The following ERN1 variants were observed in gnomAD, a reference collection of about 807,000 sequenced individuals.
ERN1 encodes serine/threonine-protein kinase/endoribonuclease IRE1.
Under a neutral mutation model 113.1 loss-of-function variants are expected in ERN1, and 39 were observed. The ratio of observed to expected loss-of-function variants is 0.34; its 90% confidence interval spans 0.27 to 0.45. ERN1 has a LOEUF of 0.45. Among genes scored for constraint, ERN1 ranks in the 20% least tolerant of loss-of-function variants. The pLI is 1.00. For synonymous variants in ERN1, 507 were observed against 515.9 expected (o/e 0.98, Z 0.23); for missense variants, 976 against 1,274.8 (o/e 0.77, Z 3.57).
chr17:64,081,294 C>T (rs552808699), intron 2 of ERN1, among the ~76,000 whole-genome samples: 2 of 152,340 alleles, frequency 1.3e-5, no homozygotes, highest in African/African-American at 2.4e-5. Flanking sequence ...GGACACACCT[C>T]TTTGGAGCGG....
At chr17:64,076,319 G>C (rs989731552) in intron 4 of ERN1, among the ~76,000 whole-genome samples, 1 of 152,222 alleles carries the variant, frequency 6.6e-6, no homozygotes, top group Non-Finnish European at 1.5e-5. Context: ...TTAATAAGCA[G>C]AGCTTTGCAT....
intron 12 of ERN1, among the ~76,000 whole-genome samples, chr17:64,056,988 C>G (rs1472127895): frequency 6.6e-6 from 1 of 152,142 alleles, no homozygotes; most frequent in African/African-American, 2.4e-5. Context: ...GCTGAAGGAC[C>G]ATGCCCCTCA....
chr17:64,072,162 A>G, intron 5 of ERN1, 59 bp from the exon 6 acceptor site: 2 of 1,589,322 alleles, frequency 1.3e-6, no homozygotes, highest in Non-Finnish European at 8.6e-7. Context: ...TATCGCTGCC[A>G]AACTAGCAGC....
In ERN1 at chr17:64,049,770, C is replaced by A. The variant is rs1273783415; in HGVS notation, c.2254-568G>T. Among the ~76,000 whole-genome samples the A allele has an allele frequency of 6.6e-6, 1 of 152,176 alleles. No homozygotes were observed. Among genetic ancestry groups the A allele is most frequent in the Non-Finnish European group, 1.5e-5 (1 of 68,032 alleles). ...ATGTTTGATGTTAATCCGAGAAAGC[C>A]TCTCACTTATCCCATGAAACCATTC... On this transcript the variant is annotated intron_variant, in intron 17 of 21. Coordinates refer to ENST00000433197, the MANE Select transcript of ERN1 (RefSeq NM_001433.5). This position sits in a 1 kb window ranked among gnomAD's most constrained non-coding sequence, Gnocchi z 4.7.
rs1912268348 is a variant in ERN1 at position 64,039,209 on chromosome 17, A to C, written c.*4779T>G. The C allele has an allele frequency of 6.6e-6, 1 of 152,206 alleles. No individual in the cohort carries two copies. The highest frequency in any genetic ancestry group is 1.5e-5 in the Non-Finnish European group (1 of 68,034). The allele number at this position is 152,206 out of a possible 1,614,324, so 9.4% of individuals were successfully genotyped here. On this transcript the variant is annotated 3_prime_UTR_variant, in exon 22 of 22. Transcript: ENST00000433197. Reference sequence around the variant, plus strand: ...AGATGCCGCCATCAGCAGAATTATAAAACTGTACAGGAGGCACAAAAATAG... The same window carrying C: ...AGATGCCGCCATCAGCAGAATTATACAACTGTACAGGAGGCACAAAAATAG...
At chr17:64,089,477 T>C (rs148234141) in intron 2 of ERN1, among the ~76,000 whole-genome samples, 4 of 152,268 alleles carry the variant, frequency 2.6e-5, no homozygotes, top group African/African-American at 9.6e-5. Context: ...TTTCAGATTT[T>C]CAGATTTGAG....
intron 2 of ERN1, among the ~76,000 whole-genome samples, chr17:64,081,353 T>C (rs1393821377): frequency 6.6e-6 from 1 of 152,226 alleles, no homozygotes. Context: ...CCCCATTGCA[T>C]TTTTATAAAA....
rs750330083 is a variant in ERN1 at position 64,057,982 on chromosome 17, C to T, written c.1218G>A (p.Leu406=). The T allele has an allele frequency of 6.4e-7, 1 of 1,570,926 alleles. No homozygotes were observed. Among genetic ancestry groups the T allele is most frequent in the Non-Finnish European group, 8.6e-7 (1 of 1,158,380 alleles). Residue 406 remains leucine, a synonymous_variant, in exon 12 of 22, where the codon CTG becomes CTA. Coordinates refer to ENST00000433197, the MANE Select transcript of ERN1 (RefSeq NM_001433.5). ...EKKSFEEVIN[L]VDQTSENAPT... ...GTGCGTTTTCTGAAGTCTGGTCAAC[C>T]AGGTTGATAACCTTGCATGGGAGAG...
chr17:64,063,281 T>A lies in ERN1; in HGVS notation c.1087+705A>T, dbSNP rs1016563109. 6.6e-5 allele frequency among the ~76,000 whole-genome samples: 10 copies of A among 152,242 alleles called. No homozygotes were observed. The highest frequency in any genetic ancestry group is 1.5e-5 in the Non-Finnish European group (1 of 68,040). ...TCAAGAAAACTCCCTCCTGCTCTAA[T>A]GACTTGGCACACTTGCCAGGAACAC... On this transcript the variant is annotated intron_variant, in intron 10 of 21. Coordinates refer to ENST00000433197, the MANE Select transcript of ERN1 (RefSeq NM_001433.5). This position sits in a 1 kb window ranked among gnomAD's most constrained non-coding sequence, Gnocchi z 5.1.
At position 64,049,224 on chromosome 17, in the gene ERN1, G is replaced by A. The variant is rs1912608010; in HGVS notation, c.2254-22C>T. ...AGGTCTGAAAAGAGACATGAGGCGT[G>A]AGAGGTCTGGGAGCAGAGTTTTCAT... On this transcript the variant is annotated intron_variant, in intron 17 of 21. Transcript: ENST00000433197. This position sits in a 1 kb window ranked among gnomAD's most constrained non-coding sequence, Gnocchi z 4.7. 3.2e-6 allele frequency: 5 copies of A among 1,556,384 alleles called. No individual in the cohort carries two copies. The highest frequency in any genetic ancestry group is 4.4e-6 in the Non-Finnish European group (5 of 1,140,456).
Position 64,130,024 on chromosome 17 carries a change from C to T in ERN1, c.6G>A (p.Pro2=), listed in dbSNP as rs946654400. 19 of 1,430,282 alleles carry T rather than the reference C, an allele frequency of 1.3e-5. No homozygotes were observed. The highest frequency in any genetic ancestry group is 1.7e-5 in the Non-Finnish European group (19 of 1,098,512). The allele number at this position is 1,430,282 out of a possible 1,614,324, so 88.6% of individuals were successfully genotyped here. A position where few individuals can be genotyped will look rare whatever the true frequency, so the allele number is the denominator to read the frequency against. Reference sequence around the variant, plus strand: ...TCAGCAGCAGCAGCAGCCGCCGGGCCGGCATGGCGAGGACTCGGCCCTGGC... The same window carrying T: ...TCAGCAGCAGCAGCAGCCGCCGGGCTGGCATGGCGAGGACTCGGCCCTGGC... M[P]ARRLLLLLTL... Residue 2 remains proline (P), a synonymous_variant, in exon 1 of 22, where the codon CCG becomes CCA. Coordinates refer to ENST00000433197, the MANE Select transcript of ERN1 (RefSeq NM_001433.5). This position sits in a 1 kb window ranked among gnomAD's most constrained non-coding sequence, Gnocchi z 4.0.
rs755345282 is a variant in ERN1 at position 64,063,970 on chromosome 17, G to T, written c.1087+16C>A. The T allele has an allele frequency of 3.1e-6, 5 of 1,612,770 alleles. No individual in the cohort carries two copies. The highest frequency in any genetic ancestry group is 1.1e-5 in the South Asian group (1 of 90,946). On this transcript the variant is annotated intron_variant, in intron 10 of 21. Coordinates refer to ENST00000433197, the MANE Select transcript of ERN1 (RefSeq NM_001433.5). This position sits in a 1 kb window ranked among gnomAD's most constrained non-coding sequence, Gnocchi z 5.1. ...CACGCTGTCACCTCAGGCTACTGTG[G>T]GAGACCTGCTCTTACCTATCAGAAG...
intron 12 of ERN1, among the ~76,000 whole-genome samples, 180 bp from the exon 13 acceptor site, chr17:64,056,128 T>A (rs2021746): frequency 0.12 from 18,054 of 152,168 alleles, 1,237 homozygotes; most frequent in East Asian, 0.16. Flanking sequence ...TGGACGTCTT[T>A]CCACCGACTA....
chr17:64,053,432 C>G, intron 15 of ERN1, 61 bp from the exon 16 acceptor site: 1 of 1,194,852 alleles, frequency 8.4e-7, no homozygotes, highest in Non-Finnish European at 1.1e-6. Flanking sequence ...CCCCTCGGCT[C>G]ACTTTCTTTG....
chr17:64,111,414 G>A (rs1914668711), intron 1 of ERN1, among the ~76,000 whole-genome samples: 1 of 151,370 alleles, frequency 6.6e-6, no homozygotes. Flanking sequence ...GGAGTGCAAT[G>A]GCGCAATCTC....
chr17:64,091,691 C>T (rs563946531), intron 2 of ERN1, among the ~76,000 whole-genome samples: 1 of 152,276 alleles, frequency 6.6e-6, no homozygotes, highest in East Asian at 1.9e-4. Context: ...CCAGAGGTCT[C>T]CAAGGCCTGG....
At chr17:64,081,810 G>A (rs147406364) in intron 2 of ERN1, among the ~76,000 whole-genome samples, 70 of 152,254 alleles carry the variant, frequency 4.6e-4, no homozygotes, top group African/African-American at 1.7e-3. Flanking sequence ...AGATTTTCCT[G>A]GGCACAAAGC....
Position 64,041,921 on chromosome 17 carries a change from T to C in ERN1, c.*2067A>G, listed in dbSNP as rs1912351021. 6.6e-6 allele frequency: 1 copy of C among 152,218 alleles called. No individual in the cohort carries two copies. The highest frequency in any genetic ancestry group is 1.5e-5 in the Non-Finnish European group (1 of 68,030). The allele number at this position is 152,218 out of a possible 1,614,324, so 9.4% of individuals were successfully genotyped here. The stretch of plus-strand genomic sequence containing the variant: ...TAAGCAGAAAAGGCATCGGAAACAG[T>C]TGTCTCTAGGCAAGTGGGGCTAAAA... On this transcript the variant is annotated 3_prime_UTR_variant, in exon 22 of 22. Coordinates refer to ENST00000433197, the MANE Select transcript of ERN1 (RefSeq NM_001433.5).
rs1455921376 is a variant in ERN1, at chr17:64,040,419, A to G, written c.*3569T>C. 1.3e-5 allele frequency: 2 copies of G among 152,342 alleles called. No homozygotes were observed. Among genetic ancestry groups the G allele is most frequent in the East Asian group, 3.9e-4 (2 of 5,194 alleles). 9.4% of individuals were successfully genotyped at this position (152,342 alleles called of 1,614,324 possible). Reference sequence around the variant, plus strand: ...AAGTCCAACTTCCTGAAAAGAAAGCAGCCAAGAGGAGAAAGCCGTACAATC... The same window carrying G: ...AAGTCCAACTTCCTGAAAAGAAAGCGGCCAAGAGGAGAAAGCCGTACAATC... On this transcript the variant is annotated 3_prime_UTR_variant, in exon 22 of 22. Coordinates refer to ENST00000433197, the MANE Select transcript of ERN1 (RefSeq NM_001433.5).
Sources: allele counts gnomAD v4.1 joint callset (sites outside exome capture counted in the v4.1 genomes callset), GRCh38; gene constraint gnomAD v4.1.1; non-coding constraint Gnocchi (gnomAD v3.1); transcripts MANE v1.5; gene names NCBI Gene and HGNC (gene_info 2026-07-23, HGNC 2026-07-21).